Variants in SOX9 observed in about 807,000 individuals in gnomAD.
The protein encoded by SOX9 is SRY-box transcription factor 9.
A neutral mutation model predicts 44.8 loss-of-function variants in SOX9; 2 were observed. The observed-to-expected ratio is 0.04, with a 90% CI of 0.02 to 0.14. The LOEUF is 0.14. Ranked by LOEUF, SOX9 falls within the 10% of genes least tolerant of loss-of-function variation. The pLI is 1.00. For synonymous variants in SOX9, 381 were observed against 331.8 expected, an observed-to-expected ratio of 1.15 and a Z score of -1.61; for missense variants, 583 against 728.6, an observed-to-expected ratio of 0.80 and a Z score of 2.30.
chr17:72,125,285 C>T lies in SOX9; in HGVS notation c.*898C>T, dbSNP rs1908248382. The T allele has an allele frequency of 8.8e-6, 2 of 228,388 alleles. No individual in the cohort carries two copies. The highest frequency in any genetic ancestry group is 6.3e-5 in the East Asian group (1 of 15,900). The allele number at this position is 228,388 out of a possible 1,614,324, so 14.1% of individuals were successfully genotyped here. A position where few individuals can be genotyped will look rare whatever the true frequency, so the allele number is the denominator to read the frequency against. On this transcript the variant is annotated 3_prime_UTR_variant, in exon 3 of 3. Coordinates refer to ENST00000245479, the MANE Select transcript of SOX9 (RefSeq NM_000346.4). The stretch of plus-strand genomic sequence containing the variant: ...CATTTGCACTCTTTTAGTGCATTTC[C>T]TCCTGCCTTTGCTTGTTCACTGCAG...
At position 72,122,928 on chromosome 17, in the gene SOX9, C is replaced by T. The variant is rs1412662021; in HGVS notation, c.641C>T (p.Ser214Phe). The part of the protein sequence containing the change: ...FKALQADSPH[S>F]SSGMSEVHSP... ...GCGCTGCAGGCCGACTCGCCACACT[C>T]CTCCTCCGGCATGAGCGAGGTGCAC... Residue 214 changes from serine (S) to phenylalanine (F), a missense_variant, in exon 2 of 3, where the codon TCC (serine) becomes TTC (phenylalanine). Coordinates refer to ENST00000245479, the MANE Select transcript of SOX9 (RefSeq NM_000346.4). The T allele has an allele frequency of 2.5e-6, 4 of 1,613,946 alleles. No homozygotes were observed. The highest frequency in any genetic ancestry group is 3.3e-5 in the Admixed American group (2 of 60,012).
In SOX9 at chr17:72,123,033, C is replaced by T. The variant is rs2143248043; in HGVS notation, c.685+61C>T. The stretch of plus-strand genomic sequence containing the variant: ...TCCGTCCCGCCTGGCACACCCCCTG[C>T]CCTCCGCCTGGGAGATTCTTCGTGG... On this transcript the variant is annotated intron_variant, in intron 2 of 2. Coordinates refer to ENST00000245479, the MANE Select transcript of SOX9 (RefSeq NM_000346.4). This position sits in a 1 kb window ranked among gnomAD's most constrained non-coding sequence, Gnocchi z 6.5. 1.3e-6 allele frequency: 2 copies of T among 1,591,008 alleles called. No individual in the cohort carries two copies. The highest frequency in any genetic ancestry group is 1.1e-5 in the South Asian group (1 of 90,692).
chr17:72,123,110 C>T lies in SOX9; in HGVS notation c.685+138C>T, dbSNP rs966015385. On this transcript the variant is annotated intron_variant, in intron 2 of 2. Transcript: ENST00000245479. This position sits in a 1 kb window ranked among gnomAD's most constrained non-coding sequence, Gnocchi z 6.5. ...CACTGCCCTTTGCGCCCGTCCCGCTCCCCTCTCTACCCAGAGCCTAAGAGG... is the reference window on the plus strand; with the variant it reads ...CACTGCCCTTTGCGCCCGTCCCGCTTCCCTCTCTACCCAGAGCCTAAGAGG... 2 of 1,004,338 alleles carry T rather than the reference C, an allele frequency of 2.0e-6. No individual in the cohort carries two copies. The highest frequency in any genetic ancestry group is 3.2e-5 in the African/African-American group (2 of 63,402). The allele number at this position is 1,004,338 out of a possible 1,614,324, so 62.2% of individuals were successfully genotyped here. A position where few individuals can be genotyped will look rare whatever the true frequency, so the allele number is the denominator to read the frequency against.
At chr17:72,122,067 G>A (rs1314940523) in intron 1 of SOX9, among the ~76,000 whole-genome samples, 1 of 152,204 alleles carries the variant, frequency 6.6e-6, no homozygotes, top group African/African-American at 2.4e-5. Flanking sequence ...GGTAGCTGGA[G>A]GATGGACGAA....
rs560371692 is a variant in SOX9 at position 72,125,549 on chromosome 17, A to G, written c.*1162A>G. The G allele has an allele frequency of 4.8e-4, 104 of 217,416 alleles. 1 individual carries two copies. The highest frequency in any genetic ancestry group is 4.1e-3 in the East Asian group (64 of 15,654). The allele number at this position is 217,416 out of a possible 1,614,324, so 13.5% of individuals were successfully genotyped here. ...GAGAGGTTTTAATTAAAACAAAAAA[A>G]AATTCTTTTTTTTTTTTTTTTCCAA... On this transcript the variant is annotated 3_prime_UTR_variant, in exon 3 of 3. Coordinates refer to ENST00000245479, the MANE Select transcript of SOX9 (RefSeq NM_000346.4).
rs753303702 is a variant in SOX9 at position 72,122,692 on chromosome 17, C to G, written c.432-27C>G. On this transcript the variant is annotated intron_variant, in intron 1 of 2. Transcript: ENST00000245479. Reference sequence around the variant, plus strand: ...CACTGACCCCTCTCCCTCTTTTTCTCTGTGCCCCCCGCCCCGCCCCGAGCA... The same window carrying G: ...CACTGACCCCTCTCCCTCTTTTTCTGTGTGCCCCCCGCCCCGCCCCGAGCA... 4 of 1,610,698 alleles carry G rather than the reference C, an allele frequency of 2.5e-6. No homozygotes were observed. In the Admixed American group the frequency reaches 6.7e-5, roughly 27 times the overall value.
rs534044974 is a variant in SOX9, at chr17:72,123,608, G to T, written c.751G>T (p.Asp251Tyr). 6.2e-7 allele frequency: 1 copy of T among 1,613,764 alleles called. No individual in the cohort carries two copies. The highest frequency in any genetic ancestry group is 1.3e-5 in the African/African-American group (1 of 74,894). ...PKTDVQPGKA[D>Y]LKREGRPLPE... Reference sequence around the variant, plus strand: ...AACCGACGTGCAGCCGGGCAAGGCTGACCTGAAGCGAGAGGGGCGCCCCTT... The same window carrying T: ...AACCGACGTGCAGCCGGGCAAGGCTTACCTGAAGCGAGAGGGGCGCCCCTT... Residue 251 changes from aspartate (D) to tyrosine (Y), a missense_variant, in exon 3 of 3, where the codon GAC (aspartate) becomes TAC (tyrosine). By Grantham distance (160) the Asp-to-Tyr change is radical. Coordinates refer to ENST00000245479, the MANE Select transcript of SOX9 (RefSeq NM_000346.4). This position sits in a 1 kb window ranked among gnomAD's most constrained non-coding sequence, Gnocchi z 6.5.
Position 72,124,549 on chromosome 17 carries a change from A to G in SOX9, c.*162A>G. Reference sequence around the variant, plus strand: ...TTCTTCCTTAAAGACATTTAAGCTAAAGGCAACTCGTACCCAAATTTCCAA... The same window carrying G: ...TTCTTCCTTAAAGACATTTAAGCTAGAGGCAACTCGTACCCAAATTTCCAA... On this transcript the variant is annotated 3_prime_UTR_variant, in exon 3 of 3. Transcript: ENST00000245479. This position sits in a 1 kb window ranked among gnomAD's most constrained non-coding sequence, Gnocchi z 4.6. The G allele has an allele frequency of 1.1e-6, 1 of 946,038 alleles. No homozygotes were observed. Among genetic ancestry groups the G allele is most frequent in the Non-Finnish European group, 1.6e-6 (1 of 619,504 alleles). The allele number at this position is 946,038 out of a possible 1,614,324, so 58.6% of individuals were successfully genotyped here. A position where few individuals can be genotyped will look rare whatever the true frequency, so the allele number is the denominator to read the frequency against.
At position 72,123,336 on chromosome 17, in the gene SOX9, A is replaced by T. The variant is rs961728438; in HGVS notation, c.686-207A>T. ...GTCTTCCGGACCCTCCGGGCCCCAGACCCTCCCCTGATAAAAGGGGGCTGT... is the reference window on the plus strand; with the variant it reads ...GTCTTCCGGACCCTCCGGGCCCCAGTCCCTCCCCTGATAAAAGGGGGCTGT... On this transcript the variant is annotated intron_variant, in intron 2 of 2. Coordinates refer to ENST00000245479, the MANE Select transcript of SOX9 (RefSeq NM_000346.4). This position sits in a 1 kb window ranked among gnomAD's most constrained non-coding sequence, Gnocchi z 6.5. 1.6e-4 allele frequency among the ~76,000 whole-genome samples: 24 copies of T among 152,142 alleles called. No individual in the cohort carries two copies. Among genetic ancestry groups the T allele is most frequent in the African/African-American group, 5.5e-4 (23 of 41,510 alleles).
rs1328688047 is a variant in SOX9 at position 72,121,866 on chromosome 17, G to C, written c.431+44G>C. ...GGCGCGGCAGGGTGGGCATCGCGGC[G>C]GCTGGGGGCGCTGGTCAGGGCTGAT... is the stretch of plus-strand genomic sequence containing the variant. On this transcript the variant is annotated intron_variant, in intron 1 of 2. Transcript: ENST00000245479. This position sits in a 1 kb window ranked among gnomAD's most constrained non-coding sequence, Gnocchi z 8.3. 2 of 1,501,724 alleles carry C rather than the reference G, an allele frequency of 1.3e-6. No individual in the cohort carries two copies. The highest frequency in any genetic ancestry group is 1.8e-6 in the Non-Finnish European group (2 of 1,125,638). 93.0% of individuals were successfully genotyped at this position (1,501,724 alleles called of 1,614,324 possible). A position where few individuals can be genotyped will look rare whatever the true frequency, so the allele number is the denominator to read the frequency against.
Position 72,126,337 on chromosome 17 carries a change from G to A in SOX9, c.*1950G>A, listed in dbSNP as rs899376169. On this transcript the variant is annotated 3_prime_UTR_variant, in exon 3 of 3. Coordinates refer to ENST00000245479, the MANE Select transcript of SOX9 (RefSeq NM_000346.4). ...GCCCCAAACCTTTTGTTCTCTCCGT[G>A]AAACTTACCTTTCCCTTTTTCTTTC... is the stretch of plus-strand genomic sequence containing the variant. 4 of 230,094 alleles carry A rather than the reference G, an allele frequency of 1.7e-5. No individual in the cohort carries two copies. The highest frequency in any genetic ancestry group is 1.7e-4 in the Admixed American group (3 of 17,338). 14.3% of individuals were successfully genotyped at this position (230,094 alleles called of 1,614,324 possible). A position where few individuals can be genotyped will look rare whatever the true frequency, so the allele number is the denominator to read the frequency against.
Position 72,121,505 on chromosome 17 carries a change from C to T in SOX9, c.114C>T (p.Gly38=), listed in dbSNP as rs895807034. The T allele has an allele frequency of 6.2e-7, 1 of 1,609,924 alleles. No individual in the cohort carries two copies. Among genetic ancestry groups the T allele is most frequent in the Non-Finnish European group, 8.5e-7 (1 of 1,178,780 alleles). The part of the protein sequence containing the change: ...EDSAGSPCPS[G]SGSDTENTRP... ...CCGCGGGCTCGCCCTGCCCGTCGGG[C>T]TCCGGCTCGGACACCGAGAACACGC... Residue 38 remains glycine (G), a synonymous_variant, in exon 1 of 3, where the codon GGC becomes GGT. Coordinates refer to ENST00000245479, the MANE Select transcript of SOX9 (RefSeq NM_000346.4). The surrounding 1 kb of genome is among the most constrained non-coding windows in gnomAD (Gnocchi z 8.3).
At position 72,124,281 on chromosome 17, in the gene SOX9, C is replaced by T. The variant is rs1289718828; in HGVS notation, c.1424C>T (p.Pro475Leu). The stretch of plus-strand genomic sequence containing the variant: ...ACCTACATGAACCCCGCTCAGCGCC[C>T]CATGTACACCCCCATCGCCGACACC... Reference protein sequence around the residue: ...TFTYMNPAQRPMYTPIADTSG... With the variant: ...TFTYMNPAQRLMYTPIADTSG... The change falls in exon 3 of 3, where the codon CCC (proline) becomes CTC (leucine). Residue 475 changes from proline to leucine, a missense_variant. By Grantham distance (98) the Pro-to-Leu change is moderately conservative (BLOSUM62 -3). Around this residue, in one of 7 missense-constraint regions of SOX9, gnomAD observed 349 missense variants for 387.0 expected, o/e 0.90. Coordinates refer to ENST00000245479, the MANE Select transcript of SOX9 (RefSeq NM_000346.4). This position sits in a 1 kb window ranked among gnomAD's most constrained non-coding sequence, Gnocchi z 4.6. 1 of 1,611,692 alleles carries T rather than the reference C, an allele frequency of 6.2e-7. No individual in the cohort carries two copies. Among genetic ancestry groups the T allele is most frequent in the Non-Finnish European group, 8.5e-7 (1 of 1,180,008 alleles).
In SOX9 at chr17:72,124,648, G is replaced by A. The variant is rs1193118434; in HGVS notation, c.*261G>A. 3.5e-6 allele frequency: 2 copies of A among 572,968 alleles called. No individual in the cohort carries two copies. The highest frequency in any genetic ancestry group is 6.2e-6 in the Non-Finnish European group (2 of 320,246). 35.5% of individuals were successfully genotyped at this position (572,968 alleles called of 1,614,324 possible). A position where few individuals can be genotyped will look rare whatever the true frequency, so the allele number is the denominator to read the frequency against. ...GTGGCCAGGCCAACCTTGGCTAAATGGAGCAGCGAAATCAACGAGAAACTG... is the reference window on the plus strand; with the variant it reads ...GTGGCCAGGCCAACCTTGGCTAAATAGAGCAGCGAAATCAACGAGAAACTG... On this transcript the variant is annotated 3_prime_UTR_variant, in exon 3 of 3. Transcript: ENST00000245479. This position sits in a 1 kb window ranked among gnomAD's most constrained non-coding sequence, Gnocchi z 4.6.
rs1033953308 is a variant in SOX9 at position 72,122,931 on chromosome 17, C to T, written c.644C>T (p.Ser215Phe). Reference protein sequence around the residue: ...KALQADSPHSSSGMSEVHSPG... With the variant: ...KALQADSPHSFSGMSEVHSPG... The stretch of plus-strand genomic sequence containing the variant: ...CTGCAGGCCGACTCGCCACACTCCT[C>T]CTCCGGCATGAGCGAGGTGCACTCC... The change falls in exon 2 of 3, where the codon TCC (serine) becomes TTC (phenylalanine). Residue 215 changes from serine to phenylalanine, a missense_variant. Transcript: ENST00000245479. 6.2e-7 allele frequency: 1 copy of T among 1,614,092 alleles called. No individual in the cohort carries two copies. Among genetic ancestry groups the T allele is most frequent in the Non-Finnish European group, 8.5e-7 (1 of 1,179,994 alleles).
Position 72,126,093 on chromosome 17 carries a change from T to C in SOX9, c.*1706T>C, listed in dbSNP as rs964603900. On this transcript the variant is annotated 3_prime_UTR_variant, in exon 3 of 3. Coordinates refer to ENST00000245479, the MANE Select transcript of SOX9 (RefSeq NM_000346.4). Reference sequence around the variant, plus strand: ...TTTAAAAAAGACAGCAAACTTTTTTTTTTATTTAAAAAAAGATATATTAAC... The same window carrying C: ...TTTAAAAAAGACAGCAAACTTTTTTCTTTATTTAAAAAAAGATATATTAAC... The C allele has an allele frequency of 4.3e-6, 1 of 232,390 alleles. No individual in the cohort carries two copies. Among genetic ancestry groups the C allele is most frequent in the East Asian group, 6.1e-5 (1 of 16,380 alleles). The allele number at this position is 232,390 out of a possible 1,614,324, so 14.4% of individuals were successfully genotyped here. A position where few individuals can be genotyped will look rare whatever the true frequency, so the allele number is the denominator to read the frequency against.
At position 72,122,014 on chromosome 17, in the gene SOX9, G is replaced by A. The variant is rs1478216784; in HGVS notation, c.431+192G>A. On this transcript the variant is annotated intron_variant, in intron 1 of 2. Coordinates refer to ENST00000245479, the MANE Select transcript of SOX9 (RefSeq NM_000346.4). ...TTGACAAAGTTCTTGGGCTGCTCGC[G>A]GGGACGCGGAGGAGGGGGGTGGTAA... is the stretch of plus-strand genomic sequence containing the variant. 3.9e-5 allele frequency among the ~76,000 whole-genome samples: 6 copies of A among 152,212 alleles called. No individual in the cohort carries two copies. The East Asian group carries it at 9.7e-4, about 25-fold the overall frequency.
Position 72,123,879 on chromosome 17 carries a change from C to A in SOX9, c.1022C>A (p.Ala341Glu). The change falls in exon 3 of 3, where the codon GCG (alanine) becomes GAG (glutamate). Residue 341 changes from alanine to glutamate, a missense_variant. By Grantham distance (107) the Ala-to-Glu change is moderately radical. Coordinates refer to ENST00000245479, the MANE Select transcript of SOX9 (RefSeq NM_000346.4). This position sits in a 1 kb window ranked among gnomAD's most constrained non-coding sequence, Gnocchi z 6.5. ...CACGTGTGGATGTCCAAGCAGCAGGCGCCGCCGCCACCCCCGCAGCAGCCC... is the reference window on the plus strand; with the variant it reads ...CACGTGTGGATGTCCAAGCAGCAGGAGCCGCCGCCACCCCCGCAGCAGCCC... ...AGHVWMSKQQ[A>E]PPPPPQQPPQ... is the part of the protein sequence containing the mutation. 6.6e-7 allele frequency: 1 copy of A among 1,510,044 alleles called. No homozygotes were observed. The highest frequency in any genetic ancestry group is 1.4e-5 in the African/African-American group (1 of 72,014). The allele number at this position is 1,510,044 out of a possible 1,614,324, so 93.5% of individuals were successfully genotyped here. A position where few individuals can be genotyped will look rare whatever the true frequency, so the allele number is the denominator to read the frequency against.
At position 72,126,065 on chromosome 17, in the gene SOX9, C is replaced by A. The variant is rs1316992391; in HGVS notation, c.*1678C>A. On this transcript the variant is annotated 3_prime_UTR_variant, in exon 3 of 3. Transcript: ENST00000245479. ...CTGTGGCTAGAGAGTTTGAGGATTG[C>A]TTTTTAAAAAAGACAGCAAACTTTT... The A allele has an allele frequency of 4.3e-6, 1 of 231,862 alleles. No homozygotes were observed. Among genetic ancestry groups the A allele is most frequent in the African/African-American group, 2.2e-5 (1 of 45,118 alleles). 14.4% of individuals were successfully genotyped at this position (231,862 alleles called of 1,614,324 possible).
Sources: allele counts gnomAD v4.1 joint callset (sites outside exome capture counted in the v4.1 genomes callset), GRCh38; gene constraint gnomAD v4.1.1; regional missense constraint gnomAD v4.1.1; non-coding constraint Gnocchi (gnomAD v3.1); transcripts MANE v1.5; gene names NCBI Gene and HGNC (gene_info 2026-07-23, HGNC 2026-07-21).